PEBP4: variants seen among roughly 807,000 people sequenced by gnomAD.
PEBP4 encodes the protein phosphatidylethanolamine-binding protein 4.
Under a neutral mutation model 23.9 loss-of-function variants are expected in PEBP4, and 22 were observed. That is an observed-to-expected ratio of 0.92 (90% CI 0.66 to 1.31). The LOEUF (loss-of-function observed/expected upper bound fraction) is 1.31, where lower values mean the gene tolerates loss of function less well. Ranked by LOEUF, PEBP4 falls within the 40% of genes most tolerant of loss-of-function variation. The pLI, the probability that PEBP4 is intolerant of heterozygous loss-of-function variation, is 0.00. For synonymous variants in PEBP4, 112 were observed against 99.3 expected (o/e 1.13, Z -0.76); for missense variants, 324 against 281.7 (o/e 1.15, Z -1.07).
intron 2 of PEBP4, 110 bp downstream of exon 2, chr8:22,927,474 T>G: frequency 7.4e-7 from 1 of 1,359,080 alleles, no homozygotes; most frequent in Non-Finnish European, 9.8e-7. Flanking sequence ...TGCCTTCCCA[T>G]AAAATCAGGC....
intron 4 of PEBP4, among the ~76,000 whole-genome samples, chr8:22,730,455 C>T (rs1804707711): frequency 6.6e-6 from 1 of 152,216 alleles, no homozygotes; most frequent in Non-Finnish European, 1.5e-5. Flanking sequence ...CTGGGAGGAT[C>T]ACCTGAGCCC....
chr8:22,876,852 G>A (rs1395056082), intron 3 of PEBP4, among the ~76,000 whole-genome samples: 2 of 152,180 alleles, frequency 1.3e-5, no homozygotes, highest in African/African-American at 4.8e-5. Flanking sequence ...AATGTTCAGG[G>A]TAGAAAGGAG....
At chr8:22,773,597 G>A (rs6557593) in intron 4 of PEBP4, among the ~76,000 whole-genome samples, 3 of 151,938 alleles carry the variant, frequency 2.0e-5, no homozygotes, top group Non-Finnish European at 4.4e-5. Context: ...GCTCATACCC[G>A]AAGCTAGCAA....
At chr8:22,816,983 A>G (rs1448820867) in intron 4 of PEBP4, among the ~76,000 whole-genome samples, 1 of 152,210 alleles carries the variant, frequency 6.6e-6, no homozygotes, top group African/African-American at 2.4e-5. Flanking sequence ...GAGTATCCAA[A>G]ACTTGTTTGG....
At chr8:22,851,772 G>A (rs1030220268) in intron 3 of PEBP4, among the ~76,000 whole-genome samples, 1 of 152,154 alleles carries the variant, frequency 6.6e-6, no homozygotes, top group African/African-American at 2.4e-5. Flanking sequence ...GAGGGAGTGT[G>A]TGTCAGCCCT....
chr8:22,929,022 C>A (rs73218770), upstream of PEBP4, among the ~76,000 whole-genome samples: 25,243 of 152,136 alleles, frequency 0.17, 2,325 homozygotes, highest in South Asian at 0.23. Flanking sequence ...AGGACTCCCC[C>A]TTGCCCCAAC....
chr8:22,769,251 G>C (rs558480831), intron 4 of PEBP4, among the ~76,000 whole-genome samples: 9 of 152,270 alleles, frequency 5.9e-5, no homozygotes, highest in African/African-American at 2.2e-4. Context: ...CCTCCCTCAG[G>C]CCCATACTCT....
intron 4 of PEBP4, among the ~76,000 whole-genome samples, chr8:22,749,289 G>A (rs1445924212): frequency 1.3e-5 from 2 of 152,210 alleles, no homozygotes; most frequent in African/African-American, 2.4e-5. Context: ...CTGAGGCCTG[G>A]TTACTTGGTG....
At chr8:22,753,027 T>C (rs562298354) in intron 4 of PEBP4, among the ~76,000 whole-genome samples, 2 of 152,286 alleles carry the variant, frequency 1.3e-5, no homozygotes, top group South Asian at 4.1e-4. Flanking sequence ...ATGGAGCAGG[T>C]TAATCAGATT....
At chr8:22,868,651 G>A (rs1807951481) in intron 3 of PEBP4, among the ~76,000 whole-genome samples, 2 of 152,052 alleles carry the variant, frequency 1.3e-5, no homozygotes, top group African/African-American at 4.8e-5. Flanking sequence ...CTCAACTAAT[G>A]GCAACTACGT....
chr8:22,912,731 C>G (rs1808968976), intron 3 of PEBP4, among the ~76,000 whole-genome samples: 1 of 152,236 alleles, frequency 6.6e-6, no homozygotes, highest in Non-Finnish European at 1.5e-5. Context: ...AATCCTCACT[C>G]CCCTTTCACC....
intron 6 of PEBP4, among the ~76,000 whole-genome samples, chr8:22,724,599 C>T (rs1261760409): frequency 6.6e-6 from 1 of 152,140 alleles, no homozygotes; most frequent in Non-Finnish European, 1.5e-5. Context: ...CCTTACATAC[C>T]AACCCACCCA....
intron 3 of PEBP4, among the ~76,000 whole-genome samples, chr8:22,911,183 T>C (rs888569140): frequency 3.9e-5 from 6 of 152,198 alleles, no homozygotes; most frequent in African/African-American, 1.4e-4. Flanking sequence ...ACAGAGACAC[T>C]AATACCTGCT....
intron 4 of PEBP4, among the ~76,000 whole-genome samples, chr8:22,769,181 C>T (rs1313956001): frequency 1.3e-5 from 2 of 152,230 alleles, no homozygotes; most frequent in Admixed American, 6.5e-5. Context: ...CAGTGCCCCT[C>T]AGTGCCCCCT....
chr8:22,835,652 C>G (rs1015370785), intron 3 of PEBP4, among the ~76,000 whole-genome samples: 1 of 152,140 alleles, frequency 6.6e-6, no homozygotes, highest in African/African-American at 2.4e-5. Flanking sequence ...CTTCCACAGC[C>G]TCCCAGCAAT....
chr8:22,777,367 T>C (rs1805833630), intron 4 of PEBP4, among the ~76,000 whole-genome samples: 1 of 152,132 alleles, frequency 6.6e-6, no homozygotes, highest in Non-Finnish European at 1.5e-5. Context: ...GGACAGGCTG[T>C]TGGGTGGGGC....
At chr8:22,734,911 T>A (rs1420519764) in intron 4 of PEBP4, among the ~76,000 whole-genome samples, 1 of 152,200 alleles carries the variant, frequency 6.6e-6, no homozygotes, top group Non-Finnish European at 1.5e-5. Flanking sequence ...CCACCCTCCA[T>A]GACACTGGGT....
intron 3 of PEBP4, among the ~76,000 whole-genome samples, chr8:22,822,737 G>A (rs1806888073): frequency 6.6e-6 from 1 of 151,958 alleles, no homozygotes; most frequent in Non-Finnish European, 1.5e-5. Flanking sequence ...AAGTAAGAAT[G>A]AGCTTGATGG....
chr8:22,727,074 G>T, intron 5 of PEBP4, 101 bp downstream of exon 5: 1 of 1,309,916 alleles, frequency 7.6e-7, no homozygotes, highest in Non-Finnish European at 1.1e-6. Context: ...AAACTCTCAG[G>T]CTGGTGCTAG....
Sources: allele counts gnomAD v4.1 joint callset (sites outside exome capture counted in the v4.1 genomes callset), GRCh38; gene constraint gnomAD v4.1.1; transcripts MANE v1.5; gene names NCBI Gene and HGNC (gene_info 2026-07-23, HGNC 2026-07-21).